PTPRS: variants seen among roughly 807,000 people sequenced by gnomAD.
PTPRS encodes the protein protein tyrosine phosphatase receptor type S.
A neutral mutation model predicts 215.3 loss-of-function variants in PTPRS; 63 were observed. The ratio of observed to expected loss-of-function variants is 0.29; its 90% CI spans 0.24 to 0.36. The LOEUF (loss-of-function observed/expected upper bound fraction) is 0.36, where lower values mean the gene tolerates loss of function less well. Among genes scored for constraint, PTPRS ranks in the 10% least tolerant of loss-of-function variants. The probability of loss-of-function intolerance (pLI) is 1.00; values close to 1 mark genes in which losing one functional copy is unlikely to be tolerated. For missense variants in PTPRS, 2,258 were observed against 2,825.8 expected (o/e 0.80, Z 4.56); for synonymous variants, 1,404 against 1,191.4 (o/e 1.18, Z -3.68).
In PTPRS at chr19:5,227,832, C is replaced by T. The variant is rs774242832; in HGVS notation, c.2376+1484G>A. ...AGTAGGTGCTCAATAAGTGAGTGCT[C>T]GTCCAATGAATGACAGCACAGAACA... On this transcript the variant is annotated intron_variant, in intron 16 of 37. Coordinates refer to ENST00000262963, the MANE Select transcript of PTPRS (RefSeq NM_002850.4). Among the ~76,000 whole-genome samples the T allele has an allele frequency of 2.6e-5, 4 of 152,132 alleles. No individual in the cohort carries two copies. The South Asian group carries it at 6.2e-4, about 24-fold the overall frequency.
intron 1 of PTPRS, among the ~76,000 whole-genome samples, chr19:5,302,456 A>G (rs550689890): frequency 6.6e-6 from 1 of 152,314 alleles, no homozygotes; most frequent in South Asian, 2.1e-4. Context: ...ATCTCTAAGG[A>G]AGACCCAAAA....
intron 13 of PTPRS, among the ~76,000 whole-genome samples, chr19:5,236,661 C>G (rs187790450): frequency 1.6e-4 from 24 of 152,198 alleles, no homozygotes; most frequent in Admixed American, 1.2e-3. Flanking sequence ...AGACACTGGG[C>G]TACCAGAGAC....
chr19:5,211,764 A>T lies in PTPRS; in HGVS notation c.5060T>A (p.Leu1687Gln). ...TGACGTGTGGGCCTTGGAGTTAGCC[A>T]GCCGCTGTGGGGAGGAGGAAGCCAG... The part of the protein sequence containing the change: ...VTGMELEFKR[L>Q]ANSKAHTSRF... Residue 1687 changes from leucine to glutamine, a missense_variant, in exon 33 of 38, where the codon CTG becomes CAG. Leu to Gln is a moderately radical substitution (Grantham distance 113, BLOSUM62 -2). Around this residue, in one of 6 missense-constraint regions of PTPRS, gnomAD observed 927 missense variants for 1,125.9 expected, o/e 0.82. Coordinates refer to ENST00000262963, the MANE Select transcript of PTPRS (RefSeq NM_002850.4). 1 of 1,611,202 alleles carries T rather than the reference A, an allele frequency of 6.2e-7. No homozygotes were observed. Among genetic ancestry groups the T allele is most frequent in the Non-Finnish European group, 8.5e-7 (1 of 1,177,654 alleles).
chr19:5,332,908 G>C (rs912827065), intron 1 of PTPRS, among the ~76,000 whole-genome samples: 1 of 152,196 alleles, frequency 6.6e-6, no homozygotes, highest in East Asian at 1.9e-4. Context: ...CGGCACTTTG[G>C]GAGGCCAAGG....
chr19:5,229,265 G>T (rs565324113), intron 16 of PTPRS, 51 bp downstream of exon 16: 2 of 1,361,640 alleles, frequency 1.5e-6, no homozygotes, highest in Non-Finnish European at 1.9e-6. Flanking sequence ...AGCACAGCAC[G>T]GCCCGCGGGA....
intron 5 of PTPRS, among the ~76,000 whole-genome samples, chr19:5,264,142 T>A (rs1358076905): frequency 1.5e-5 from 1 of 67,688 alleles, no homozygotes; most frequent in East Asian, 8.6e-4. Context: ...TGTGCCCCCT[T>A]ACAGACCTGA....
At chr19:5,308,319 A>T (rs544742856) in intron 1 of PTPRS, among the ~76,000 whole-genome samples, 2 of 152,322 alleles carry the variant, frequency 1.3e-5, no homozygotes, top group East Asian at 3.9e-4. Flanking sequence ...TCTCCTGGGC[A>T]GGAGATGGGA....
chr19:5,224,076 G>A (rs1343619013), intron 17 of PTPRS, among the ~76,000 whole-genome samples: 1 of 152,114 alleles, frequency 6.6e-6, no homozygotes, highest in East Asian at 2.0e-4. Context: ...CTACTCAGGA[G>A]GCTGTGGCAG....
Position 5,283,001 on chromosome 19 carries a change from C to T in PTPRS, c.91+3049G>A, listed in dbSNP as rs537749271. Among the ~76,000 whole-genome samples the T allele has an allele frequency of 1.0e-3, 152 of 152,228 alleles. No individual in the cohort carries two copies. The Middle Eastern group carries it at 0.01, about 10-fold the overall frequency. The stretch of plus-strand genomic sequence containing the variant: ...AGAGACAGAAGTTCATGTGGTATTG[C>T]CAATATCAAAAAAGCTGGAAAGGGA... On this transcript the variant is annotated intron_variant, in intron 2 of 37. Transcript: ENST00000262963.
In PTPRS at chr19:5,244,001, G is replaced by C. The variant is rs1281596869; in HGVS notation, c.1470C>G (p.Ser490Arg). The C allele has an allele frequency of 1.4e-6, 2 of 1,455,108 alleles. No homozygotes were observed. The highest frequency in any genetic ancestry group is 3.9e-5 in the Admixed American group (2 of 51,238). The allele number at this position is 1,455,108 out of a possible 1,614,324, so 90.1% of individuals were successfully genotyped here. ...VDDSLLTTVG[S>R]LLEDETYTVR... ...CGGTGTAGGTCTCGTCCTCCAGCAGGCTGCCCACGGTGGTCAGCAGGCTGT... is the reference window on the plus strand; with the variant it reads ...CGGTGTAGGTCTCGTCCTCCAGCAGCCTGCCCACGGTGGTCAGCAGGCTGT... The change falls in exon 11 of 38, where the codon AGC becomes AGG. Residue 490 changes from serine (S) to arginine (R), a missense_variant. By Grantham distance (110) the Ser-to-Arg change is moderately radical. Coordinates refer to ENST00000262963, the MANE Select transcript of PTPRS (RefSeq NM_002850.4). The surrounding 1 kb of genome is among the most constrained non-coding windows in gnomAD (Gnocchi z 7.2).
At chr19:5,252,101 C>G (rs760994462) in intron 9 of PTPRS, among the ~76,000 whole-genome samples, 2 of 152,084 alleles carry the variant, frequency 1.3e-5, no homozygotes, top group Non-Finnish European at 2.9e-5. Flanking sequence ...CTGAAAAGGC[C>G]TGGGGACAGG....
At chr19:5,265,624 G>C (rs2046344919) in intron 4 of PTPRS, among the ~76,000 whole-genome samples, 2 of 151,908 alleles carry the variant, frequency 1.3e-5, no homozygotes, top group African/African-American at 4.8e-5. Flanking sequence ...TTGCAGGCAT[G>C]AGCCACTGCA....
At chr19:5,330,649 C>G (rs2050293963) in intron 1 of PTPRS, among the ~76,000 whole-genome samples, 1 of 152,218 alleles carries the variant, frequency 6.6e-6, no homozygotes, top group South Asian at 2.1e-4. Context: ...GACTCGTCCC[C>G]ATTTCACAGA....
chr19:5,244,587 G>T lies in PTPRS; in HGVS notation c.989-105C>A. Reference sequence around the variant, plus strand: ...AGTCGCCTTCTCTGAGCCTTGATTTGCCCAGCAGTAATCATGGGCCTCATG... The same window carrying T: ...AGTCGCCTTCTCTGAGCCTTGATTTTCCCAGCAGTAATCATGGGCCTCATG... On this transcript the variant is annotated intron_variant, in intron 10 of 37. Transcript: ENST00000262963. The surrounding 1 kb of genome is among the most constrained non-coding windows in gnomAD (Gnocchi z 7.2). The T allele has an allele frequency of 1.1e-6, 1 of 914,748 alleles. No individual in the cohort carries two copies. The highest frequency in any genetic ancestry group is 1.6e-6 in the Non-Finnish European group (1 of 609,334). 56.7% of individuals were successfully genotyped at this position (914,748 alleles called of 1,614,324 possible). A position where few individuals can be genotyped will look rare whatever the true frequency, so the allele number is the denominator to read the frequency against.
rs2049047509 is a variant in PTPRS at position 5,294,074 on chromosome 19, G to T, written c.-94-7840C>A. 6.6e-6 allele frequency among the ~76,000 whole-genome samples: 1 copy of T among 152,206 alleles called. No individual in the cohort carries two copies. Among genetic ancestry groups the T allele is most frequent in the South Asian group, 2.1e-4 (1 of 4,836 alleles). On this transcript the variant is annotated intron_variant, in intron 1 of 37. Coordinates refer to ENST00000262963, the MANE Select transcript of PTPRS (RefSeq NM_002850.4). The surrounding 1 kb of genome is among the most constrained non-coding windows in gnomAD (Gnocchi z 5.1). ...CTGGGGGTCTGGGGACGGGACAGGG[G>T]CAGAGGCCGGGATGGAGACCCAAGG...
At position 5,215,386 on chromosome 19, in the gene PTPRS, T is replaced by A. The variant is rs370255400; in HGVS notation, c.4221A>T (p.Thr1407=). 27 of 1,613,662 alleles carry A rather than the reference T, an allele frequency of 1.7e-5. No individual in the cohort carries two copies. Among genetic ancestry groups the A allele is most frequent in the Non-Finnish European group, 2.1e-5 (25 of 1,179,990 alleles). ...TCACTTCCAGGTTGGAATGTTCCCATGTGAACTGCTGTCCAGGGTCGATGG... is the reference window on the plus strand; with the variant it reads ...TCACTTCCAGGTTGGAATGTTCCCAAGTGAACTGCTGTCCAGGGTCGATGG... ...YESIDPGQQF[T]WEHSNLEVNK... Residue 1407 remains threonine (T), a synonymous_variant, in exon 28 of 38, where the codon ACA becomes ACT. Coordinates refer to ENST00000262963, the MANE Select transcript of PTPRS (RefSeq NM_002850.4).
rs572188832 is a variant in PTPRS, at chr19:5,224,153, C to T, written c.2495-856G>A. ...AAGATCGTGCCACTGCACTCCAGCC[C>T]GGGCAACAGAGCAAGACTCCGTCTT... On this transcript the variant is annotated intron_variant, in intron 17 of 37. Coordinates refer to ENST00000262963, the MANE Select transcript of PTPRS (RefSeq NM_002850.4). Among the ~76,000 whole-genome samples, 19 of 145,914 alleles carry T rather than the reference C, an allele frequency of 1.3e-4. No homozygotes were observed. In the East Asian group the frequency reaches 3.7e-3, roughly 29 times the overall value.
intron 6 of PTPRS, 39 bp from the exon 7 acceptor site, chr19:5,260,861 G>A: frequency 1.9e-6 from 3 of 1,550,638 alleles, no homozygotes; most frequent in Non-Finnish European, 2.6e-6. Context: ...AATGTCACAA[G>A]GCGGTTGTTG....
intron 1 of PTPRS, among the ~76,000 whole-genome samples, chr19:5,308,244 A>G (rs1257867836): frequency 1.3e-5 from 2 of 152,232 alleles, no homozygotes; most frequent in Non-Finnish European, 2.9e-5. Context: ...ACCCTGGATA[A>G]TACCACACTT....
Sources: allele counts gnomAD v4.1 joint callset (sites outside exome capture counted in the v4.1 genomes callset), GRCh38; gene constraint gnomAD v4.1.1; regional missense constraint gnomAD v4.1.1; non-coding constraint Gnocchi (gnomAD v3.1); transcripts MANE v1.5; gene names NCBI Gene and HGNC (gene_info 2026-07-23, HGNC 2026-07-21).